Variants in AUTS2 observed in about 807,000 individuals in gnomAD.
The protein encoded by AUTS2 is activator of transcription and developmental regulator AUTS2.
AUTS2 carries 17 observed loss-of-function variants against 112.4 expected under a neutral mutation model. The observed-to-expected ratio is 0.15, with a 90% confidence interval of 0.10 to 0.23. AUTS2 has a LOEUF of 0.23. AUTS2 is among the 10% of genes least tolerant of loss of function. AUTS2 has a pLI of 1.00. For missense variants in AUTS2, 1,510 were observed against 1,701.6 expected, an observed-to-expected ratio of 0.89 and a Z score of 1.98; for synonymous variants, 751 against 702.7, an observed-to-expected ratio of 1.07 and a Z score of -1.09.
intron 2 of AUTS2, among the ~76,000 whole-genome samples, chr7:69,945,266 A>G (rs1796765196): frequency 6.6e-6 from 1 of 152,168 alleles, no homozygotes; most frequent in Admixed American, 6.5e-5. Context: ...TTTCCTCCCT[A>G]ACTTCCCTAA....
At chr7:70,379,375 A>G (rs997305716) in intron 4 of AUTS2, among the ~76,000 whole-genome samples, 3 of 151,928 alleles carry the variant, frequency 2.0e-5, no homozygotes, top group African/African-American at 7.3e-5. Flanking sequence ...GGTGGTGTGC[A>G]CCTGTGATCC....
At chr7:70,348,687 G>A (rs998058798) in intron 4 of AUTS2, among the ~76,000 whole-genome samples, 4 of 152,178 alleles carry the variant, frequency 2.6e-5, no homozygotes, top group Non-Finnish European at 5.9e-5. Context: ...GCGGGCGCCT[G>A]TAGTCCCAGC....
At chr7:69,960,579 A>AT (rs1797389028) in intron 2 of AUTS2, among the ~76,000 whole-genome samples, 1 of 152,210 alleles carries the variant, frequency 6.6e-6, no homozygotes, top group Non-Finnish European at 1.5e-5. Flanking sequence ...GTAAGTATTT[A>AT]CATGCACATT....
At chr7:69,948,773 CATTTATTT>C (rs36128585) in intron 2 of AUTS2, among the ~76,000 whole-genome samples, 6,490 of 147,082 alleles carry the variant, frequency 0.044, 161 homozygotes, top group Middle Eastern at 0.12. Context: ...AATTTTCTTT[CATTTATTT>C]ATTTATTTAT....
chr7:70,106,978 A>C (rs142515472), intron 2 of AUTS2, among the ~76,000 whole-genome samples: 1 of 152,154 alleles, frequency 6.6e-6, no homozygotes, highest in African/African-American at 2.4e-5. Flanking sequence ...TCCAAATTAC[A>C]TAAAAGTGGC....
intron 5 of AUTS2, among the ~76,000 whole-genome samples, chr7:70,633,614 A>C (rs1339040941): frequency 2.0e-5 from 3 of 150,910 alleles, no homozygotes; most frequent in Admixed American, 6.6e-5. Flanking sequence ...CCGTCTCAAA[A>C]AAAAAAAAAA....
intron 1 of AUTS2, among the ~76,000 whole-genome samples, chr7:69,832,683 T>C (rs1182131856): frequency 6.6e-6 from 1 of 152,196 alleles, no homozygotes; most frequent in African/African-American, 2.4e-5. Context: ...CAGACCTATT[T>C]AGGAAATCTA....
chr7:70,103,119 A>G (rs1458103514), intron 2 of AUTS2, among the ~76,000 whole-genome samples: 3 of 152,222 alleles, frequency 2.0e-5, no homozygotes, highest in Non-Finnish European at 4.4e-5. Flanking sequence ...AATCAGAAAA[A>G]TATTAGAGCT....
chr7:70,778,554 T>C (rs936019069), intron 14 of AUTS2, among the ~76,000 whole-genome samples: 5 of 146,454 alleles, frequency 3.4e-5, no homozygotes, highest in Non-Finnish European at 6.0e-5. Context: ...CTGGGCAACA[T>C]AGCAAGATCT....
chr7:70,572,308 G>T (rs1801976898), intron 5 of AUTS2, among the ~76,000 whole-genome samples: 1 of 152,026 alleles, frequency 6.6e-6, no homozygotes, highest in Non-Finnish European at 1.5e-5. Flanking sequence ...GGAAATACAG[G>T]GTCACCTTTG....
At chr7:69,965,153 T>C (rs1797587737) in intron 2 of AUTS2, among the ~76,000 whole-genome samples, 1 of 152,130 alleles carries the variant, frequency 6.6e-6, no homozygotes, top group South Asian at 2.1e-4. Context: ...ATTTACCGAG[T>C]TGCTTTTTCT....
intron 2 of AUTS2, among the ~76,000 whole-genome samples, chr7:69,930,518 T>A (rs1374182663): frequency 1.3e-5 from 2 of 152,178 alleles, no homozygotes; most frequent in Admixed American, 1.3e-4. Flanking sequence ...GAGATTACTG[T>A]CATTAGTTAC....
intron 1 of AUTS2, among the ~76,000 whole-genome samples, chr7:69,833,363 A>G (rs765304631): frequency 6.6e-6 from 1 of 152,134 alleles, no homozygotes; most frequent in African/African-American, 2.4e-5. Context: ...TTGGATCTCA[A>G]CCTTTTAAAA....
intron 4 of AUTS2, among the ~76,000 whole-genome samples, chr7:70,429,858 C>A (rs1795581315): frequency 6.6e-6 from 1 of 152,152 alleles, no homozygotes; most frequent in Non-Finnish European, 1.5e-5. Flanking sequence ...TGGCTCTTCA[C>A]CACAGAAAGC....
intron 1 of AUTS2, among the ~76,000 whole-genome samples, chr7:69,630,468 A>G (rs1794177834): frequency 6.6e-6 from 1 of 152,184 alleles, no homozygotes; most frequent in South Asian, 2.1e-4. Flanking sequence ...ACTAGCCACG[A>G]GTAAACGTCT....
intron 6 of AUTS2, among the ~76,000 whole-genome samples, chr7:70,715,235 T>G (rs1810295278): frequency 6.6e-6 from 1 of 152,234 alleles, no homozygotes; most frequent in South Asian, 2.1e-4. Flanking sequence ...TTCTCTGCAT[T>G]TTTCTTACAA....
At chr7:70,235,540 C>T (rs983243069) in intron 4 of AUTS2, among the ~76,000 whole-genome samples, 3 of 152,150 alleles carry the variant, frequency 2.0e-5, no homozygotes. Context: ...CCTTTATTAT[C>T]ACGTAATAAC....
chr7:70,408,056 A>G (rs1794616345), intron 4 of AUTS2, among the ~76,000 whole-genome samples: 1 of 150,016 alleles, frequency 6.7e-6, no homozygotes. Flanking sequence ...TCCATCTCAA[A>G]AAAAAAAAAA....
chr7:70,652,546 G>A (rs1452162438), intron 5 of AUTS2, among the ~76,000 whole-genome samples: 2 of 152,168 alleles, frequency 1.3e-5, no homozygotes, highest in African/African-American at 4.8e-5. Flanking sequence ...TCCCCAGTTG[G>A]AAAATGTGCC....
Sources: gnomAD v4.1 joint callset for allele counts (sites outside exome capture counted in the v4.1 genomes callset) on GRCh38, gnomAD v4.1.1 for gene constraint, MANE v1.5 for transcripts, NCBI Gene and HGNC (gene_info 2026-07-23, HGNC 2026-07-21) for gene names.